Variants in GPC6 observed in about 807,000 individuals in gnomAD.
GPC6 encodes glypican-6.
Under a neutral mutation model 55.2 loss-of-function variants are expected in GPC6, and 14 were observed. The observed-to-expected ratio is 0.25, with a 90% CI of 0.17 to 0.40. The LOEUF is 0.40. GPC6 is among the 10% of genes least tolerant of loss of function. The probability of loss-of-function intolerance (pLI) is 1.00; values close to 1 mark genes in which losing one functional copy is unlikely to be tolerated. For synonymous variants in GPC6, 278 were observed against 259.6 expected (o/e 1.07, Z -0.68); for missense variants, 641 against 708.5 (o/e 0.90, Z 1.08).
intron 1 of GPC6, among the ~76,000 whole-genome samples, chr13:93,370,083 T>C (rs1328804580): frequency 6.6e-6 from 1 of 152,160 alleles, no homozygotes; most frequent in Non-Finnish European, 1.5e-5. Context: ...TATGGGTAGA[T>C]GCCTTTAAAT....
intron 6 of GPC6, among the ~76,000 whole-genome samples, chr13:94,373,124 C>G (rs1157396715): frequency 1.3e-5 from 2 of 152,178 alleles, no homozygotes; most frequent in Non-Finnish European, 2.9e-5. Flanking sequence ...AAAAACAGAA[C>G]AGAAAAACTG....
At chr13:93,390,879 A>T (rs2139217477) in intron 1 of GPC6, among the ~76,000 whole-genome samples, 1 of 151,582 alleles carries the variant, frequency 6.6e-6, no homozygotes, top group South Asian at 2.1e-4. Flanking sequence ...ACAGCCACTC[A>T]GGTCACTGCT....
chr13:94,323,373 C>T (rs1301449172), intron 6 of GPC6, among the ~76,000 whole-genome samples: 1 of 152,154 alleles, frequency 6.6e-6, no homozygotes, highest in African/African-American at 2.4e-5. Flanking sequence ...GTGCATAAAG[C>T]TCCTAGCTCA....
chr13:94,179,166 C>T (rs1326068853), intron 4 of GPC6, among the ~76,000 whole-genome samples: 3 of 152,228 alleles, frequency 2.0e-5, no homozygotes, highest in South Asian at 2.1e-4. Context: ...TCCTCACCCT[C>T]CTGCATATCT....
At chr13:93,556,859 T>C (rs535058044) in intron 2 of GPC6, among the ~76,000 whole-genome samples, 92 of 152,302 alleles carry the variant, frequency 6.0e-4, no homozygotes, top group African/African-American at 2.0e-3. Flanking sequence ...TTCAGTTCCA[T>C]CCATATTATT....
intron 3 of GPC6, among the ~76,000 whole-genome samples, chr13:93,977,687 C>T (rs1391172736): frequency 6.6e-6 from 1 of 152,082 alleles, no homozygotes; most frequent in Non-Finnish European, 1.5e-5. Flanking sequence ...CATGGCTAGA[C>T]ATATGCACAT....
chr13:93,245,412 A>G (rs1382409522), intron 1 of GPC6, among the ~76,000 whole-genome samples: 13 of 151,872 alleles, frequency 8.6e-5, no homozygotes. Flanking sequence ...TGCTCCCAGG[A>G]TTGAGAATGA....
chr13:93,370,928 T>G (rs1254698090), intron 1 of GPC6, among the ~76,000 whole-genome samples: 1 of 152,144 alleles, frequency 6.6e-6, no homozygotes, highest in African/African-American at 2.4e-5. Context: ...TCCATTGTAT[T>G]GTCATGCTTC....
intron 2 of GPC6, among the ~76,000 whole-genome samples, chr13:93,682,805 T>C (rs1266556125): frequency 6.9e-6 from 1 of 144,668 alleles, no homozygotes; most frequent in Non-Finnish European, 1.5e-5. Context: ...CCCAGGAGTT[T>C]GAGATCCACC....
intron 1 of GPC6, among the ~76,000 whole-genome samples, chr13:93,432,171 G>A (rs1034675754): frequency 1.3e-5 from 2 of 152,160 alleles, no homozygotes; most frequent in Non-Finnish European, 2.9e-5. Context: ...CTACCAAGCT[G>A]TCATAAAGAC....
intron 4 of GPC6, among the ~76,000 whole-genome samples, chr13:94,216,992 A>G (rs1890245193): frequency 6.6e-6 from 1 of 152,200 alleles, no homozygotes; most frequent in Non-Finnish European, 1.5e-5. Context: ...CAGTTTTCTC[A>G]TCGACAAAAT....
At chr13:93,928,332 A>T (rs1877966242) in intron 3 of GPC6, among the ~76,000 whole-genome samples, 1 of 152,202 alleles carries the variant, frequency 6.6e-6, no homozygotes, top group African/African-American at 2.4e-5. Context: ...TCCATATCTT[A>T]GGGTTTTTTG....
At chr13:93,796,606 T>A (rs1023156451) in intron 2 of GPC6, among the ~76,000 whole-genome samples, 1 of 152,172 alleles carries the variant, frequency 6.6e-6, no homozygotes, top group Non-Finnish European at 1.5e-5. Flanking sequence ...CCTAGAGGGA[T>A]TCAGAAGTAA....
intron 4 of GPC6, among the ~76,000 whole-genome samples, chr13:94,250,772 C>T (rs1566593239): frequency 1.3e-5 from 2 of 151,898 alleles, no homozygotes; most frequent in African/African-American, 2.4e-5. Context: ...CAAGATTGGC[C>T]GTGAGTGGGT....
intron 1 of GPC6, among the ~76,000 whole-genome samples, chr13:93,383,624 A>AT (rs983161649): frequency 1.3e-5 from 2 of 152,102 alleles, no homozygotes; most frequent in African/African-American, 4.8e-5. Context: ...AGACCATGTC[A>AT]TTTTTTTAAA....
chr13:94,368,253 A>G (rs1879374710), intron 6 of GPC6, among the ~76,000 whole-genome samples: 1 of 152,032 alleles, frequency 6.6e-6, no homozygotes, highest in Admixed American at 6.5e-5. Flanking sequence ...ATAGAGCCCA[A>G]AATGTTGGAG....
chr13:93,496,570 T>A (rs1049190473), intron 1 of GPC6, among the ~76,000 whole-genome samples: 3 of 152,180 alleles, frequency 2.0e-5, no homozygotes, highest in Admixed American at 1.3e-4. Context: ...ACTTAACTAG[T>A]GTTAATCAAA....
chr13:93,512,149 C>A (rs1197325874), intron 1 of GPC6, among the ~76,000 whole-genome samples: 1 of 152,052 alleles, frequency 6.6e-6, no homozygotes, highest in Non-Finnish European at 1.5e-5. Context: ...TTGACCTCTC[C>A]TTTTCCAATT....
chr13:94,106,922 G>T (rs1257610936), intron 4 of GPC6, among the ~76,000 whole-genome samples: 1 of 152,182 alleles, frequency 6.6e-6, no homozygotes, highest in Non-Finnish European at 1.5e-5. Flanking sequence ...AGCATAAGTA[G>T]TGGGTTCAGT....
Sources: allele counts gnomAD v4.1 joint callset (sites outside exome capture counted in the v4.1 genomes callset), GRCh38; gene constraint gnomAD v4.1.1; transcripts MANE v1.5; gene names NCBI Gene and HGNC (gene_info 2026-07-23, HGNC 2026-07-21).